The following PROSER3 variants were observed in gnomAD, a reference collection of about 807,000 sequenced individuals.
PROSER3 encodes proline and serine rich 3.
In PROSER3, 33 loss-of-function variants were observed where a neutral mutation model predicts 50.2. That is an observed-to-expected ratio of 0.66 (90% confidence interval 0.50 to 0.88). The LOEUF is 0.88. Ranked by LOEUF, PROSER3 falls within the 40% of genes least tolerant of loss-of-function variation. The pLI, the probability that PROSER3 is intolerant of heterozygous loss-of-function variation, is 0.00. For synonymous variants in PROSER3, 266 were observed against 259.3 expected (o/e 1.03, Z -0.25); for missense variants, 623 against 612.7 (o/e 1.02, Z -0.18).
intron 3 of PROSER3, among the ~76,000 whole-genome samples, chr19:35,761,707 C>T (rs1970956859): frequency 6.6e-6 from 1 of 151,784 alleles, no homozygotes; most frequent in Non-Finnish European, 1.5e-5. Context: ...AATAAAAATA[C>T]AAAAAGTAGC....
chr19:35,759,545 T>A, intron 2 of PROSER3, 75 bp downstream of exon 2: 1 of 1,347,858 alleles, frequency 7.4e-7, no homozygotes, highest in South Asian at 1.3e-5. Flanking sequence ...TAGGAAGACA[T>A]GTGATGAGAG....
At chr19:35,768,670 C>A in exon 11 of PROSER3, 1 of 1,226,518 alleles carries the variant, frequency 8.2e-7, no homozygotes, top group Admixed American at 2.7e-5. Context: ...GAAATGCCCC[C>A]CATCCTCCGC....
intron 5 of PROSER3, among the ~76,000 whole-genome samples, chr19:35,764,549 G>A (rs1345746597): frequency 6.6e-6 from 1 of 152,082 alleles, no homozygotes; most frequent in African/African-American, 2.4e-5. Flanking sequence ...CCAGGTACTT[G>A]GGAGGCTGAG....
intron 3 of PROSER3, among the ~76,000 whole-genome samples, chr19:35,760,254 G>T (rs1970912914): frequency 6.6e-6 from 1 of 152,014 alleles, no homozygotes. Flanking sequence ...GTCTCGCTCT[G>T]TTACTCAGGC....
chr19:35,768,271 T>C (rs1186393607), intron 10 of PROSER3, 35 bp downstream of exon 10: 5 of 1,598,542 alleles, frequency 3.1e-6, no homozygotes, highest in Non-Finnish European at 4.3e-6. Flanking sequence ...TCTATGACAC[T>C]GGGCCCCGGA....
At chr19:35,760,112 T>G in intron 3 of PROSER3, 121 bp downstream of exon 3, 1 of 1,088,444 alleles carries the variant, frequency 9.2e-7, no homozygotes, top group Non-Finnish European at 1.3e-6. Context: ...CCAGGCAGTT[T>G]ATGTGTGTTA....
chr19:35,760,550 ATC>A (rs1344026335), intron 3 of PROSER3, among the ~76,000 whole-genome samples: 1 of 152,114 alleles, frequency 6.6e-6, no homozygotes, highest in Non-Finnish European at 1.5e-5. Flanking sequence ...CAGTGGCATG[ATC>A]TCGGCTTACT....
Position 35,766,962 on chromosome 19 carries a change from C to G in PROSER3, c.957+7C>G, listed in dbSNP as rs182004827. 83 of 1,543,044 alleles carry G rather than the reference C, an allele frequency of 5.4e-5. No homozygotes were observed. Among genetic ancestry groups the G allele is most frequent in the Admixed American group, 2.0e-5 (1 of 50,946 alleles). On this transcript the variant is annotated splice_region_variant and intron_variant, in intron 8 of 10. Coordinates refer to ENST00000396908, the Ensembl canonical transcript of PROSER3. ...CCCTGCCCTCCGCACGTTGGTGAGC[C>G]GAGGGAGGGAGGAGCCTGGGGGGAG...
rs1046322781 is a variant in PROSER3, at chr19:35,759,592, C to T, written c.108+122C>T. On this transcript the variant is annotated intron_variant, in intron 2 of 10. Coordinates refer to ENST00000396908, the Ensembl canonical transcript of PROSER3. ...AGATTTAAGAGACAGCCCCTTGTCCCCTCCCCACGGCCCTGCCCTTGTCCC... is the reference window on the plus strand; with the variant it reads ...AGATTTAAGAGACAGCCCCTTGTCCTCTCCCCACGGCCCTGCCCTTGTCCC... 1.4e-5 allele frequency: 15 copies of T among 1,061,926 alleles called. No homozygotes were observed. In the Admixed American group the frequency reaches 3.4e-4, roughly 24 times the overall value. The allele number at this position is 1,061,926 out of a possible 1,614,324, so 65.8% of individuals were successfully genotyped here.
At chr19:35,759,822 C>A in exon 3 of PROSER3, 1 of 1,569,994 alleles carries the variant, frequency 6.4e-7, no homozygotes. Flanking sequence ...GAGATCCAGG[C>A]TCCCACAAGC....
At chr19:35,758,278 G>A in intron 1 of PROSER3, 52 bp downstream of exon 1, 2 of 1,549,668 alleles carry the variant, frequency 1.3e-6, no homozygotes, top group Non-Finnish European at 1.7e-6. Flanking sequence ...AGGACCAACG[G>A]CGAGAGCAGC....
chr19:35,764,007 C>G (rs1040165245), intron 5 of PROSER3, among the ~76,000 whole-genome samples: 6 of 151,808 alleles, frequency 4.0e-5, no homozygotes, highest in African/African-American at 1.4e-4. Context: ...AGGCTGGTCT[C>G]GAAGTCCTGG....
At chr19:35,763,463 C>T (rs904639699) in intron 5 of PROSER3, among the ~76,000 whole-genome samples, 4 of 151,504 alleles carry the variant, frequency 2.6e-5, no homozygotes, top group African/African-American at 9.7e-5. Flanking sequence ...ACCTCAGCCT[C>T]CCAAAGTGCT....
chr19:35,759,190 C>T (rs994020424), intron 1 of PROSER3, 184 bp from the exon 2 acceptor site: 8 of 586,686 alleles, frequency 1.4e-5, no homozygotes, highest in Non-Finnish European at 2.4e-5. Context: ...GCTCCAGGGG[C>T]GGGCTCCCAG....
In PROSER3 at chr19:35,764,850, G is replaced by A; in HGVS notation, c.544-4G>A. ...GGCTGGCGTCTGACCCTGTCACCCT[G>A]CAGAACCTCCACACATGGAACTCAT... On this transcript the variant is annotated splice_region_variant and splice_polypyrimidine_tract_variant and intron_variant, in intron 5 of 10. Coordinates refer to ENST00000396908, the Ensembl canonical transcript of PROSER3. 6.2e-7 allele frequency: 1 copy of A among 1,612,580 alleles called. No homozygotes were observed. Among genetic ancestry groups the A allele is most frequent in the Admixed American group, 1.7e-5 (1 of 59,826 alleles).
At chr19:35,760,029 G>C in intron 3 of PROSER3, 38 bp downstream of exon 3, 1 of 1,492,410 alleles carries the variant, frequency 6.7e-7, no homozygotes, top group African/African-American at 1.4e-5. Flanking sequence ...AGAGGCTTTG[G>C]GTTAGAGGGA....
chr19:35,767,688 C>G (rs866335443), intron 8 of PROSER3: 1 of 1,298,566 alleles, frequency 7.7e-7, no homozygotes, highest in Non-Finnish European at 1.1e-6. Context: ...CTGGAGGACA[C>G]GCCTCCTCAC....
intron 8 of PROSER3, chr19:35,767,474 G>A (rs1360901108): frequency 2.6e-5 from 7 of 268,040 alleles, no homozygotes; most frequent in East Asian, 8.7e-5. Flanking sequence ...CTCCACCCTC[G>A]CATCCCCAGC....
exon 9 of PROSER3, chr19:35,768,007 C>G (rs779320046): frequency 6.3e-7 from 1 of 1,590,996 alleles, no homozygotes; most frequent in South Asian, 1.1e-5. Flanking sequence ...CCGCTGCTGA[C>G]CACGCCCCCT....
Sources: allele counts gnomAD v4.1 joint callset (sites outside exome capture counted in the v4.1 genomes callset), GRCh38; gene constraint gnomAD v4.1.1; transcripts MANE v1.5; gene names NCBI Gene and HGNC (gene_info 2026-07-23, HGNC 2026-07-21).